STK32B: variants seen among roughly 807,000 people sequenced by gnomAD.
STK32B encodes serine/threonine kinase 32B, also known as serine/threonine-protein kinase 32B.
STK32B carries 43 observed loss-of-function variants against 52.6 expected under a neutral mutation model. The ratio of observed to expected loss-of-function variants is 0.82; its 90% confidence interval spans 0.64 to 1.05. The LOEUF (loss-of-function observed/expected upper bound fraction) is 1.05. STK32B is among the 50% of genes least tolerant of loss of function. The pLI is 0.00. For synonymous variants in STK32B, 238 were observed against 204.3 expected (o/e 1.17, Z -1.41); for missense variants, 621 against 534.6 (o/e 1.16, Z -1.59).
chr4:5,210,423 C>T (rs1186347817), intron 3 of STK32B, among the ~76,000 whole-genome samples: 1 of 152,200 alleles, frequency 6.6e-6, no homozygotes. Context: ...CATCTCTGCA[C>T]ATTCACAGCA....
At chr4:5,290,638 C>T (rs1577300435) in intron 3 of STK32B, among the ~76,000 whole-genome samples, 1 of 152,074 alleles carries the variant, frequency 6.6e-6, no homozygotes, top group African/African-American at 2.4e-5. Context: ...TAAGTTCATA[C>T]ATGTAAACTT....
intron 4 of STK32B, among the ~76,000 whole-genome samples, chr4:5,391,001 T>C (rs1355044748): frequency 3.4e-5 from 5 of 145,674 alleles, no homozygotes; most frequent in Non-Finnish European, 7.5e-5. Context: ...AATCTCACTC[T>C]GTTGCCCACG....
intron 3 of STK32B, among the ~76,000 whole-genome samples, chr4:5,319,163 A>G (rs1487571726): frequency 2.0e-5 from 3 of 151,898 alleles, no homozygotes; most frequent in African/African-American, 7.3e-5. Context: ...CAGTCCCTTG[A>G]CTCATAATAA....
chr4:5,335,870 A>C (rs1732640106), intron 4 of STK32B, among the ~76,000 whole-genome samples: 1 of 151,510 alleles, frequency 6.6e-6, no homozygotes, highest in African/African-American at 2.4e-5. Context: ...CTATTCTTTT[A>C]CATTTGCTGA....
chr4:5,463,474 ACACT>A (rs952909302), intron 9 of STK32B, among the ~76,000 whole-genome samples: 14 of 129,490 alleles, frequency 1.1e-4, no homozygotes, highest in South Asian at 8.7e-4. Context: ...GCACACTCAC[ACACT>A]CAGTCACACT....
chr4:5,101,587 G>A (rs1225168262), intron 1 of STK32B, among the ~76,000 whole-genome samples: 2 of 152,112 alleles, frequency 1.3e-5, no homozygotes, highest in African/African-American at 4.8e-5. Flanking sequence ...TGATACAATA[G>A]AAATTTTATC....
chr4:5,208,788 A>G (rs1455903587), intron 3 of STK32B, among the ~76,000 whole-genome samples: 1 of 152,212 alleles, frequency 6.6e-6, no homozygotes, highest in Admixed American at 6.5e-5. Context: ...TGAGAGATTA[A>G]TTTGGGTAAA....
chr4:5,032,476 C>CAAAAAAAAAAAAAAAAAAAAAAAAAA, the STK32B span, among the ~76,000 whole-genome samples: 1 of 49,698 alleles, frequency 2.0e-5, no homozygotes, highest in Non-Finnish European at 3.5e-5. Flanking sequence ...GACTCCATCT[C>CAAAAAAAAAAAAAAAAAAAAAAAAAA]AAAAAAAAAA....
At chr4:5,408,459 A>G (rs981786456) in intron 5 of STK32B, among the ~76,000 whole-genome samples, 4 of 152,104 alleles carry the variant, frequency 2.6e-5, no homozygotes, top group Non-Finnish European at 5.9e-5. Context: ...CCTCTCCAGA[A>G]ACCAAGGAGG....
rs1209411286 is a variant in STK32B at position 5,399,607 on chromosome 4, C to T, written c.472+1363C>T. On this transcript the variant is annotated intron_variant, in intron 5 of 11. Transcript: ENST00000282908. This position sits in a 1 kb window ranked among gnomAD's most constrained non-coding sequence, Gnocchi z 5.4. ...AAGGCTGGAAAGGAAGCGAAAGCAA[C>T]GTCTCCAGTTTGTATCTAAAAGTCA... Among the ~76,000 whole-genome samples, 5 of 152,158 alleles carry T rather than the reference C, an allele frequency of 3.3e-5. No individual in the cohort carries two copies. Among genetic ancestry groups the T allele is most frequent in the Admixed American group, 6.5e-5 (1 of 15,274 alleles).
intron 3 of STK32B, among the ~76,000 whole-genome samples, chr4:5,225,951 T>C (rs1476850411): frequency 6.6e-6 from 1 of 152,204 alleles, no homozygotes; most frequent in Non-Finnish European, 1.5e-5. Flanking sequence ...CTCTCAAATA[T>C]GGTCCGTTTC....
chr4:5,484,012 G>A (rs1218518474), intron 11 of STK32B, among the ~76,000 whole-genome samples: 1 of 152,142 alleles, frequency 6.6e-6, no homozygotes, highest in Non-Finnish European at 1.5e-5. Flanking sequence ...TTCCAACTAT[G>A]TGGTCAATTT....
At position 5,500,076 on chromosome 4, in the gene STK32B, A is replaced by G. The variant is rs992605805; in HGVS notation, c.*993A>G. On this transcript the variant is annotated 3_prime_UTR_variant, in exon 12 of 12. Coordinates refer to ENST00000282908, the MANE Select transcript of STK32B (RefSeq NM_018401.3). ...TTAGAAAGTTTATTTCAGGAGGAAA[A>G]TGGGTTCACACAAAAAGCAAACTAC... 6.6e-6 allele frequency: 1 copy of G among 152,206 alleles called. No individual in the cohort carries two copies. Among genetic ancestry groups the G allele is most frequent in the Non-Finnish European group, 1.5e-5 (1 of 68,046 alleles). 9.4% of individuals were successfully genotyped at this position (152,206 alleles called of 1,614,324 possible). A position where few individuals can be genotyped will look rare whatever the true frequency, so the allele number is the denominator to read the frequency against.
At chr4:5,264,060 C>T (rs1726897095) in intron 3 of STK32B, among the ~76,000 whole-genome samples, 1 of 152,118 alleles carries the variant, frequency 6.6e-6, no homozygotes, top group Non-Finnish European at 1.5e-5. Context: ...ATTCATTCTT[C>T]GATAGATACA....
chr4:5,324,673 C>T (rs1731755855), intron 3 of STK32B, among the ~76,000 whole-genome samples: 1 of 152,216 alleles, frequency 6.6e-6, no homozygotes, highest in African/African-American at 2.4e-5. Flanking sequence ...TGTCTCCACA[C>T]ATTGTCCAAT....
intron 6 of STK32B, among the ~76,000 whole-genome samples, chr4:5,434,636 C>T (rs915912658): frequency 6.6e-6 from 1 of 152,104 alleles, no homozygotes; most frequent in Non-Finnish European, 1.5e-5. Context: ...GTGGTACCCA[C>T]TCTCTCCAAG....
intron 3 of STK32B, among the ~76,000 whole-genome samples, chr4:5,266,266 G>A (rs1376637101): frequency 6.6e-6 from 1 of 152,200 alleles, no homozygotes; most frequent in East Asian, 1.9e-4. Flanking sequence ...CTCACAGTCT[G>A]TCCCTAGAGA....
At chr4:5,149,958 C>A (rs1471663310) in intron 2 of STK32B, among the ~76,000 whole-genome samples, 1 of 151,642 alleles carries the variant, frequency 6.6e-6, no homozygotes, top group Non-Finnish European at 1.5e-5. Context: ...ATATTTATTT[C>A]TCCTTCTTTC....
At chr4:5,051,226 A>G (rs1403084249), upstream of STK32B, among the ~76,000 whole-genome samples, 1 of 151,996 alleles carries the variant, frequency 6.6e-6, no homozygotes, top group East Asian at 1.9e-4. Context: ...CTGCGCTCTA[A>G]AATATGAACG....
Sources: gnomAD v4.1 joint callset for allele counts (sites outside exome capture counted in the v4.1 genomes callset) on GRCh38, gnomAD v4.1.1 for gene constraint, Gnocchi (gnomAD v3.1) non-coding constraint, MANE v1.5 for transcripts, NCBI Gene and HGNC (gene_info 2026-07-23, HGNC 2026-07-21) for gene names.